The following SLC9A4 variants were observed in gnomAD, a reference collection of about 807,000 sequenced individuals.
The protein encoded by SLC9A4 is solute carrier family 9 member A4.
SLC9A4 carries 63 observed loss-of-function variants against 67.4 expected under a neutral mutation model. The ratio of observed to expected loss-of-function variants is 0.93; its 90% CI spans 0.76 to 1.15. SLC9A4 has a LOEUF of 1.15. Among genes scored for constraint, SLC9A4 ranks in the 50% most tolerant of loss-of-function variants. SLC9A4 has a pLI of 0.00. For missense variants in SLC9A4, 1,089 were observed against 987.7 expected (o/e 1.10, Z -1.38); for synonymous variants, 393 against 367.2 (o/e 1.07, Z -0.80).
Position 102,532,765 on chromosome 2 carries a change from A to G in SLC9A4, c.*77A>G. 7.1e-7 allele frequency: 1 copy of G among 1,413,404 alleles called. No homozygotes were observed. The highest frequency in any genetic ancestry group is 1.3e-5 in the South Asian group (1 of 74,682). The allele number at this position is 1,413,404 out of a possible 1,614,324, so 87.6% of individuals were successfully genotyped here. On this transcript the variant is annotated 3_prime_UTR_variant, in exon 12 of 12. Coordinates refer to ENST00000295269, the MANE Select transcript of SLC9A4 (RefSeq NM_001011552.4). ...TAACTGTGAAAGGAGGATTTCTGGA[A>G]TTCAGAAGAGAGCTATTGAGTTTGC...
intron 4 of SLC9A4, among the ~76,000 whole-genome samples, chr2:102,506,887 T>G (rs1314483586): frequency 6.6e-6 from 1 of 152,022 alleles, no homozygotes; most frequent in Non-Finnish European, 1.5e-5. Flanking sequence ...ACCAAAACAG[T>G]GACAAAATTG....
intron 2 of SLC9A4, among the ~76,000 whole-genome samples, chr2:102,490,564 C>G (rs939105436): frequency 3.3e-5 from 5 of 152,170 alleles, no homozygotes; most frequent in African/African-American, 1.2e-4. Flanking sequence ...AAGATGCTGT[C>G]TCTATATGCA....
intron 2 of SLC9A4, among the ~76,000 whole-genome samples, chr2:102,490,997 C>A (rs954347249): frequency 8.5e-5 from 13 of 152,130 alleles, no homozygotes; most frequent in African/African-American, 3.1e-4. Context: ...CCTCAGCAAG[C>A]AAATGCCCCA....
chr2:102,521,181 G>A (rs189453685), intron 9 of SLC9A4, among the ~76,000 whole-genome samples: 130 of 152,316 alleles, frequency 8.5e-4, no homozygotes, highest in African/African-American at 2.9e-3. Context: ...TCCCTATGTG[G>A]ATGAAGGCCA....
In SLC9A4 at chr2:102,478,977, T is replaced by C. The variant is rs1478113270; in HGVS notation, c.395T>C (p.Leu132Pro). The change falls in exon 2 of 12, where the codon CTG (leucine) becomes CCG (proline). Residue 132 changes from leucine to proline, a missense_variant. Leu to Pro is a moderately conservative substitution (Grantham distance 98). Coordinates refer to ENST00000295269, the MANE Select transcript of SLC9A4 (RefSeq NM_001011552.4). ...GTCATGGACTCCAGCATCTACTTCCTGTATCTCCTGCCACCCATCGTTCTG... is the reference window on the plus strand; with the variant it reads ...GTCATGGACTCCAGCATCTACTTCCCGTATCTCCTGCCACCCATCGTTCTG... Reference protein sequence around the residue: ...PPVMDSSIYFLYLLPPIVLEG... With the variant: ...PPVMDSSIYFPYLLPPIVLEG... 3 of 1,614,040 alleles carry C rather than the reference T, an allele frequency of 1.9e-6. No homozygotes were observed. Among genetic ancestry groups the C allele is most frequent in the Non-Finnish European group, 2.5e-6 (3 of 1,180,002 alleles).
chr2:102,498,190 T>C (rs1684850722), intron 2 of SLC9A4, among the ~76,000 whole-genome samples: 1 of 152,150 alleles, frequency 6.6e-6, no homozygotes, highest in Non-Finnish European at 1.5e-5. Context: ...CCAAAGAAAA[T>C]CTTTTGCAAC....
At chr2:102,512,116 T>C in intron 6 of SLC9A4, 87 bp from the exon 7 acceptor site, 1 of 1,435,022 alleles carries the variant, frequency 7.0e-7, no homozygotes, top group South Asian at 1.2e-5. Context: ...TAAAGGCTCC[T>C]TTGTTTTTTA....
At chr2:102,501,343 A>G (rs567595922) in intron 2 of SLC9A4, among the ~76,000 whole-genome samples, 8 of 151,838 alleles carry the variant, frequency 5.3e-5, no homozygotes, top group African/African-American at 1.9e-4. Flanking sequence ...CTGGTCTCGA[A>G]CTCCTGAGCT....
intron 2 of SLC9A4, among the ~76,000 whole-genome samples, chr2:102,495,802 G>A (rs542758838): frequency 1.3e-5 from 2 of 152,154 alleles, no homozygotes; most frequent in South Asian, 4.1e-4. Context: ...AAAAACTCTG[G>A]TATCCATGTG....
At chr2:102,517,142 C>G (rs1441430910) in intron 8 of SLC9A4, among the ~76,000 whole-genome samples, 6 of 152,180 alleles carry the variant, frequency 3.9e-5, no homozygotes, top group Non-Finnish European at 5.9e-5. Context: ...AGCATCATCT[C>G]AGCCACTCAT....
chr2:102,476,046 T>C (rs1684323465), intron 1 of SLC9A4, among the ~76,000 whole-genome samples: 1 of 152,260 alleles, frequency 6.6e-6, no homozygotes, highest in Admixed American at 6.5e-5. Context: ...TCAAGGGACT[T>C]GGTCTAACGG....
chr2:102,491,521 G>A (rs1313021237), intron 2 of SLC9A4, among the ~76,000 whole-genome samples: 1 of 151,806 alleles, frequency 6.6e-6, no homozygotes, highest in Non-Finnish European at 1.5e-5. Flanking sequence ...CAGGGGAACT[G>A]CCATTTATAA....
At chr2:102,527,549 G>A (rs1674693611) in intron 11 of SLC9A4, among the ~76,000 whole-genome samples, 1 of 152,136 alleles carries the variant, frequency 6.6e-6, no homozygotes, top group Non-Finnish European at 1.5e-5. Context: ...GACCACTTGT[G>A]ATTGGTATTT....
intron 9 of SLC9A4, among the ~76,000 whole-genome samples, chr2:102,520,879 A>G (rs942337773): frequency 1.3e-5 from 2 of 152,200 alleles, no homozygotes; most frequent in Admixed American, 6.5e-5. Context: ...CTGGACTTAT[A>G]TAATCCAATG....
At position 102,484,150 on chromosome 2, in the gene SLC9A4, T is replaced by A. The variant is rs181050570; in HGVS notation, c.720+4848T>A. ...GGCATGACCAAGTGCCCTTACTTCA[T>A]GAATGAAGACAATAAGGCAAAGGAG... is the stretch of plus-strand genomic sequence containing the variant. On this transcript the variant is annotated intron_variant, in intron 2 of 11. Transcript: ENST00000295269. Among the ~76,000 whole-genome samples the A allele has an allele frequency of 5.3e-5, 8 of 152,192 alleles. No homozygotes were observed. In the East Asian group the frequency reaches 1.5e-3, roughly 29 times the overall value.
chr2:102,519,465 T>C (rs1406144067), intron 8 of SLC9A4, among the ~76,000 whole-genome samples: 1 of 152,188 alleles, frequency 6.6e-6, no homozygotes, highest in Admixed American at 6.5e-5. Flanking sequence ...AATGAATCAT[T>C]TTTTTTCTGT....
chr2:102,510,805 A>G (rs1305864274), intron 6 of SLC9A4, among the ~76,000 whole-genome samples: 1 of 152,192 alleles, frequency 6.6e-6, no homozygotes, highest in Admixed American at 6.5e-5. Context: ...TTTTAGTGAA[A>G]ACATCCCAGT....
chr2:102,526,365 T>C lies in SLC9A4; in HGVS notation c.2038+19T>C, dbSNP rs1346568295. On this transcript the variant is annotated intron_variant, in intron 11 of 11. Transcript: ENST00000295269. The stretch of plus-strand genomic sequence containing the variant: ...TTCTCAGGTAAGCTGCCCACCTGGC[T>C]GCTCTGCTGCTTTTCTGTAGAGTCA... The C allele has an allele frequency of 6.2e-7, 1 of 1,610,936 alleles. No homozygotes were observed. Among genetic ancestry groups the C allele is most frequent in the Non-Finnish European group, 8.5e-7 (1 of 1,177,500 alleles).
At chr2:102,499,241 C>T (rs950115508) in intron 2 of SLC9A4, among the ~76,000 whole-genome samples, 8 of 151,518 alleles carry the variant, frequency 5.3e-5, no homozygotes, top group African/African-American at 1.9e-4. Context: ...TCTGATGGCC[C>T]CAGATAGAGA....
Sources: gnomAD v4.1 joint callset for allele counts (sites outside exome capture counted in the v4.1 genomes callset) on GRCh38, gnomAD v4.1.1 for gene constraint, MANE v1.5 for transcripts, NCBI Gene and HGNC (gene_info 2026-07-23, HGNC 2026-07-21) for gene names.